SNAP47: variants seen among roughly 807,000 people sequenced by gnomAD.
SNAP47 encodes synaptosomal-associated protein 47.
SNAP47 carries 20 observed loss-of-function variants against 31.4 expected under a neutral mutation model. The ratio of observed to expected loss-of-function variants is 0.64; its 90% CI spans 0.45 to 0.93. The LOEUF is 0.93. SNAP47 is among the 40% of genes least tolerant of loss of function. The pLI, the probability that SNAP47 is intolerant of heterozygous loss-of-function variation, is 0.00. For missense variants in SNAP47, 492 were observed against 528.5 expected, an observed-to-expected ratio of 0.93 and a Z score of 0.68; for synonymous variants, 194 against 213.4, an observed-to-expected ratio of 0.91 and a Z score of 0.79.
chr1:227,750,399 A>G (rs1486132540), intron 2 of SNAP47, among the ~76,000 whole-genome samples: 1 of 152,218 alleles, frequency 6.6e-6, no homozygotes, highest in Non-Finnish European at 1.5e-5. Flanking sequence ...GAGTCCGCCA[A>G]TTTCTATTTA....
chr1:227,776,761 C>G (rs1449890566), intron 4 of SNAP47: 1 of 985,370 alleles, frequency 1.0e-6, no homozygotes, highest in African/African-American at 1.7e-5. Flanking sequence ...GCAGACCTAG[C>G]AGCTGTACAG....
rs746649623 is a variant in SNAP47 at position 227,735,483 on chromosome 1, C to T, written c.-62C>T. On this transcript the variant is annotated 5_prime_UTR_variant, in exon 1 of 5. Coordinates refer to ENST00000617596, the MANE Select transcript of SNAP47 (RefSeq NM_053052.4). ...AGGCGCCGCGGTCGGCTCTGGGACT[C>T]GTCTGGCGTCCCTCAGGTGAGCGAC... 35 of 1,419,614 alleles carry T rather than the reference C, an allele frequency of 2.5e-5. No individual in the cohort carries two copies. Among genetic ancestry groups the T allele is most frequent in the South Asian group, 4.7e-5 (3 of 64,088 alleles). 87.9% of individuals were successfully genotyped at this position (1,419,614 alleles called of 1,614,324 possible). A position where few individuals can be genotyped will look rare whatever the true frequency, so the allele number is the denominator to read the frequency against.
chr1:227,744,481 A>G (rs1233186200), intron 1 of SNAP47, among the ~76,000 whole-genome samples: 1 of 152,192 alleles, frequency 6.6e-6, no homozygotes, highest in Non-Finnish European at 1.5e-5. Context: ...GAGTCGGGTC[A>G]TTTCGCTTTA....
intron 3 of SNAP47, among the ~76,000 whole-genome samples, chr1:227,761,543 A>G (rs944272651): frequency 1.3e-5 from 2 of 152,206 alleles, no homozygotes; most frequent in African/African-American, 4.8e-5. Context: ...TGCTGTCACT[A>G]AAGTGCAGGC....
rs968658521 is a variant in SNAP47, at chr1:227,767,067, C to A, written c.1097C>A (p.Thr366Asn). 4 of 1,614,098 alleles carry A rather than the reference C, an allele frequency of 2.5e-6. 1 individual carries two copies. The Middle Eastern group carries it at 4.9e-4, about 200-fold the overall frequency. Residue 366 changes from threonine (T) to asparagine (N), a missense_variant, in exon 4 of 5, where the codon ACC becomes AAC. Transcript: ENST00000617596. The part of the protein sequence containing the change: ...TSLPALSEAD[T>N]QELTQILRRM... ...CTGCCAGCCCTTTCTGAGGCAGATACCCAGGAACTAACCCAGGTAAGATGT... is the reference window on the plus strand; with the variant it reads ...CTGCCAGCCCTTTCTGAGGCAGATAACCAGGAACTAACCCAGGTAAGATGT...
upstream of SNAP47, chr1:227,734,109 G>A (rs1298099830): frequency 2.0e-6 from 3 of 1,510,016 alleles, no homozygotes; most frequent in Non-Finnish European, 1.8e-6. Flanking sequence ...TGGGGCAACT[G>A]AGACCAATCG....
At chr1:227,780,422 A>G in intron 4 of SNAP47, 105 bp from the exon 5 acceptor site, 1 of 1,496,814 alleles carries the variant, frequency 6.7e-7, no homozygotes. Flanking sequence ...GGCATCACCC[A>G]GGTGGTAACG....
chr1:227,780,983 C>A lies in SNAP47; in HGVS notation c.*310C>A, dbSNP rs928793789. On this transcript the variant is annotated 3_prime_UTR_variant, in exon 5 of 5. Coordinates refer to ENST00000617596, the MANE Select transcript of SNAP47 (RefSeq NM_053052.4). ...CTGGAAGAGGCCGCCCTCGTCTTGT[C>A]TCGGCTCCCTTTCATGGACAGACTG... The A allele has an allele frequency of 3.2e-5, 12 of 369,780 alleles. No individual in the cohort carries two copies. The highest frequency in any genetic ancestry group is 5.0e-5 in the Non-Finnish European group (10 of 201,142). 22.9% of individuals were successfully genotyped at this position (369,780 alleles called of 1,614,324 possible). A position where few individuals can be genotyped will look rare whatever the true frequency, so the allele number is the denominator to read the frequency against.
At chr1:227,777,910 C>T (rs1201250963) in intron 4 of SNAP47, among the ~76,000 whole-genome samples, 2 of 152,186 alleles carry the variant, frequency 1.3e-5, no homozygotes, top group Non-Finnish European at 2.9e-5. Context: ...ATGAGTGTAT[C>T]CTCAGGACCG....
chr1:227,767,849 A>G (rs928105986), intron 4 of SNAP47, among the ~76,000 whole-genome samples: 9 of 152,200 alleles, frequency 5.9e-5, no homozygotes, highest in Non-Finnish European at 1.0e-4. Flanking sequence ...AGTCGGGTGC[A>G]TGGCTCACTC....
intron 3 of SNAP47, among the ~76,000 whole-genome samples, chr1:227,760,264 A>C (rs192642859): frequency 2.6e-5 from 4 of 152,286 alleles, no homozygotes; most frequent in Non-Finnish European, 5.9e-5. Context: ...TGTTACTGGC[A>C]CCATCTCCAC....
chr1:227,733,216 A>C (rs917574823), upstream of SNAP47: 8 of 848,972 alleles, frequency 9.4e-6, no homozygotes, highest in Admixed American at 8.6e-5. Flanking sequence ...GCCACAGTGA[A>C]CCCAGAGCAA....
At chr1:227,775,228 G>A (rs1263292120) in intron 4 of SNAP47, among the ~76,000 whole-genome samples, 2 of 152,222 alleles carry the variant, frequency 1.3e-5, no homozygotes, top group Admixed American at 1.3e-4. Context: ...GCTTGGCTGC[G>A]GTGAGAGCCA....
At chr1:227,730,145 A>G (rs1224279941), upstream of SNAP47, among the ~76,000 whole-genome samples, 1 of 152,270 alleles carries the variant, frequency 6.6e-6, no homozygotes, top group East Asian at 1.9e-4. Context: ...TAGGGATGAC[A>G]CGCAAAGGGC....
chr1:227,762,655 G>T lies in SNAP47; in HGVS notation c.988+3170G>T, dbSNP rs1192502684. Among the ~76,000 whole-genome samples, 2 of 152,226 alleles carry T rather than the reference G, an allele frequency of 1.3e-5. No homozygotes were observed. The highest frequency in any genetic ancestry group is 3.9e-4 in the East Asian group (2 of 5,192). ...CGCTTGTCAGGGAGGGACACCCGGG[G>T]CGGGGAGCCTTTCCAGAGACCTCTG... On this transcript the variant is annotated intron_variant, in intron 3 of 4. Transcript: ENST00000617596. The surrounding 1 kb of genome is among the most constrained non-coding windows in gnomAD (Gnocchi z 4.2).
At position 227,767,013 on chromosome 1, in the gene SNAP47, A is replaced by G; in HGVS notation, c.1043A>G (p.Glu348Gly). ...LHREPPAGDQEGTALHLQTSL... is the reference protein window; with the variant it reads ...LHREPPAGDQGGTALHLQTSL... ...CGTGAGCCACCCGCAGGAGACCAGG[A>G]GGGCACAGCACTGCACCTGCAGACA... The change falls in exon 4 of 5, where the codon GAG becomes GGG. Residue 348 changes from glutamate to glycine, a missense_variant. Glu to Gly is a moderately conservative substitution (Grantham distance 98). Transcript: ENST00000617596. 6.2e-7 allele frequency: 1 copy of G among 1,614,006 alleles called. No individual in the cohort carries two copies. The highest frequency in any genetic ancestry group is 8.5e-7 in the Non-Finnish European group (1 of 1,180,026).
Position 227,781,036 on chromosome 1 carries a change from G to T in SNAP47, c.*363G>T. ...CTTCTTAGCTGTACTATAAATTTGT[G>T]AGTGAAGTTAGAGCCCAGCTCACTT... is the stretch of plus-strand genomic sequence containing the variant. On this transcript the variant is annotated 3_prime_UTR_variant, in exon 5 of 5. Coordinates refer to ENST00000617596, the MANE Select transcript of SNAP47 (RefSeq NM_053052.4). The T allele has an allele frequency of 4.6e-6, 1 of 219,666 alleles. No individual in the cohort carries two copies. Among genetic ancestry groups the T allele is most frequent in the Admixed American group, 5.3e-5 (1 of 18,986 alleles). 13.6% of individuals were successfully genotyped at this position (219,666 alleles called of 1,614,324 possible).
At chr1:227,766,034 A>AT (rs1334450975) in intron 3 of SNAP47, among the ~76,000 whole-genome samples, 1 of 152,160 alleles carries the variant, frequency 6.6e-6, no homozygotes, top group Non-Finnish European at 1.5e-5. Context: ...ACCCCCAGGT[A>AT]TCCCCCCTTT....
chr1:227,775,856 CT>C lies in SNAP47; in HGVS notation c.1114-4668del, dbSNP rs1394507727. The C allele has an allele frequency of 9.2e-6, 12 of 1,303,920 alleles. No homozygotes were observed. The Admixed American group carries it at 1.1e-4, about 12-fold the overall frequency. The allele number at this position is 1,303,920 out of a possible 1,614,324, so 80.8% of individuals were successfully genotyped here. On this transcript the variant is annotated intron_variant, in intron 4 of 4. Coordinates refer to ENST00000617596, the MANE Select transcript of SNAP47 (RefSeq NM_053052.4). Reference sequence around the variant, plus strand: ...ATGCTTTGCTCCGAGTCTGCAGGAGCTTTGTGGAGACAGAGACTTTCCTAGC... The same window carrying C: ...ATGCTTTGCTCCGAGTCTGCAGGAGCTTGTGGAGACAGAGACTTTCCTAGC...
Sources: allele counts gnomAD v4.1 joint callset (sites outside exome capture counted in the v4.1 genomes callset), GRCh38; gene constraint gnomAD v4.1.1; non-coding constraint Gnocchi (gnomAD v3.1); transcripts MANE v1.5; gene names NCBI Gene and HGNC (gene_info 2026-07-23, HGNC 2026-07-21).